Variants in SPIRE1 observed in about 807,000 individuals in gnomAD.
The protein encoded by SPIRE1 is spire type actin nucleation factor 1.
SPIRE1 carries 40 observed loss-of-function variants against 94.1 expected under a neutral mutation model. That is an observed-to-expected ratio of 0.43 (90% confidence interval 0.33 to 0.55). The LOEUF is 0.55. Ranked by LOEUF, SPIRE1 falls within the 20% of genes least tolerant of loss-of-function variation. The probability of loss-of-function intolerance (pLI) is 0.06; values close to 1 mark genes in which losing one functional copy is unlikely to be tolerated. For missense variants in SPIRE1, 838 were observed against 975.2 expected (o/e 0.86, Z 1.87); for synonymous variants, 376 against 371.7 (o/e 1.01, Z -0.13).
At chr18:12,468,187 G>A (rs144177362) in intron 10 of SPIRE1, among the ~76,000 whole-genome samples, 4 of 152,122 alleles carry the variant, frequency 2.6e-5, no homozygotes, top group Non-Finnish European at 4.4e-5. Flanking sequence ...AAATTAAAAA[G>A]ATCAATGATT....
At chr18:12,572,804 A>G (rs902263838) in intron 2 of SPIRE1, among the ~76,000 whole-genome samples, 24 of 152,236 alleles carry the variant, frequency 1.6e-4, no homozygotes, top group African/African-American at 5.8e-4. Context: ...CTTTTCATCA[A>G]ATGGTTCTGG....
chr18:12,481,512 CA>C (rs2032842036), intron 9 of SPIRE1, among the ~76,000 whole-genome samples: 1 of 150,102 alleles, frequency 6.7e-6, no homozygotes, highest in Non-Finnish European at 1.5e-5. Flanking sequence ...AGGGTTTGAA[CA>C]AGCTAGAAAT....
chr18:12,477,853 A>T (rs1014660152), intron 10 of SPIRE1, among the ~76,000 whole-genome samples: 2 of 152,084 alleles, frequency 1.3e-5, no homozygotes, highest in South Asian at 4.1e-4. Flanking sequence ...TAAACCAGAG[A>T]CAGGGAAGGT....
At chr18:12,632,137 G>A (rs2037799164) in intron 2 of SPIRE1, among the ~76,000 whole-genome samples, 1 of 152,050 alleles carries the variant, frequency 6.6e-6, no homozygotes, top group Non-Finnish European at 1.5e-5. Context: ...GCTCTTAAGA[G>A]AATGAAAGTA....
At position 12,581,666 on chromosome 18, in the gene SPIRE1, C is replaced by G. The variant is rs552828083; in HGVS notation, c.373-34762G>C. On this transcript the variant is annotated intron_variant, in intron 2 of 16. Coordinates refer to ENST00000409402, the MANE Select transcript of SPIRE1 (RefSeq NM_001128626.2). ...ATGACCTGAGGTCAGGAATTTGAGA[C>G]CAGCCTGGCCAATGTGGCAAAACCC... 2.6e-5 allele frequency among the ~76,000 whole-genome samples: 4 copies of G among 152,244 alleles called. No homozygotes were observed. The East Asian group carries it at 7.7e-4, about 29-fold the overall frequency.
intron 1 of SPIRE1, among the ~76,000 whole-genome samples, chr18:12,649,575 C>A (rs1567991675): frequency 6.6e-6 from 1 of 152,128 alleles, no homozygotes; most frequent in Non-Finnish European, 1.5e-5. Flanking sequence ...GTTATGAAAG[C>A]AGGATGAGAA....
chr18:12,528,944 A>G (rs1456418560), intron 4 of SPIRE1, among the ~76,000 whole-genome samples: 1 of 152,222 alleles, frequency 6.6e-6, no homozygotes, highest in Non-Finnish European at 1.5e-5. Context: ...AGTGAATTAG[A>G]GAGAAAAGGT....
chr18:12,611,006 A>G (rs2037125598), intron 2 of SPIRE1, among the ~76,000 whole-genome samples: 1 of 152,106 alleles, frequency 6.6e-6, no homozygotes, highest in Non-Finnish European at 1.5e-5. Context: ...TCCACATCAT[A>G]TCCCCTCTCG....
intron 1 of SPIRE1, among the ~76,000 whole-genome samples, chr18:12,652,052 G>C (rs2038393666): frequency 6.6e-6 from 1 of 152,182 alleles, no homozygotes; most frequent in South Asian, 2.1e-4. Flanking sequence ...TAAAATAAAT[G>C]ATTGTTGTCA....
At chr18:12,576,581 CAAAAAAAAAAAAA>C (rs762895518) in intron 2 of SPIRE1, among the ~76,000 whole-genome samples, 1 of 31,030 alleles carries the variant, frequency 3.2e-5, no homozygotes, top group Non-Finnish European at 5.8e-5. Flanking sequence ...GACTCCATCT[CAAAAAAAAAAAAA>C]AAAAAAAAAA....
At chr18:12,643,774 T>C (rs902684564) in intron 1 of SPIRE1, among the ~76,000 whole-genome samples, 30 of 152,214 alleles carry the variant, frequency 2.0e-4, no homozygotes, top group Admixed American at 1.1e-3. Flanking sequence ...CTTTACTACA[T>C]ATACTATATA....
chr18:12,528,215 G>A (rs1039400941), intron 4 of SPIRE1, among the ~76,000 whole-genome samples: 3 of 152,076 alleles, frequency 2.0e-5, no homozygotes, highest in African/African-American at 4.8e-5. Context: ...TACTGTCTTG[G>A]GTCCCTAAAT....
intron 13 of SPIRE1, among the ~76,000 whole-genome samples, chr18:12,453,931 C>T (rs898823713): frequency 2.0e-5 from 3 of 151,898 alleles, no homozygotes; most frequent in Admixed American, 6.6e-5. Flanking sequence ...ATTACAGGCA[C>T]GCACCACCAT....
At position 12,503,423 on chromosome 18, in the gene SPIRE1, T is replaced by C. The variant is rs529436707; in HGVS notation, c.972+3054A>G. 7.9e-5 allele frequency among the ~76,000 whole-genome samples: 12 copies of C among 152,352 alleles called. No homozygotes were observed. In the South Asian group the frequency reaches 2.3e-3, roughly 29 times the overall value. ...TCTCTCTGGCTATGCCTTGTCCGTC[T>C]TTATTTTGCCAGATTCCTCTACTCA... On this transcript the variant is annotated intron_variant, in intron 6 of 16. Coordinates refer to ENST00000409402, the MANE Select transcript of SPIRE1 (RefSeq NM_001128626.2).
At chr18:12,572,897 T>C (rs142837615) in intron 2 of SPIRE1, among the ~76,000 whole-genome samples, 154 of 152,274 alleles carry the variant, frequency 1.0e-3, no homozygotes, top group East Asian at 2.9e-3. Context: ...AAAGGGATGA[T>C]AGACCTAAAT....
intron 8 of SPIRE1, 87 bp downstream of exon 8, chr18:12,492,985 A>AT: frequency 7.0e-7 from 1 of 1,426,182 alleles, no homozygotes; most frequent in Non-Finnish European, 9.4e-7. Context: ...AAGGAATGAG[A>AT]ACTCTTTACT....
In SPIRE1 at chr18:12,493,199, G is replaced by T. The variant is rs75870026; in HGVS notation, c.1062C>A (p.Val354=). The change falls in exon 8 of 17, where the codon GTC becomes GTA. Residue 354 remains valine, a splice_region_variant and synonymous_variant. Transcript: ENST00000409402. ...GAGTTGGTTTCAGTTTTCTGGCTGA[G>T]ACCTTGAAAGTAAGAAAAATGGCTA... ...FIRSRPPLNP[V]SARKLKPTPP... 1 of 1,607,470 alleles carries T rather than the reference G, an allele frequency of 6.2e-7. No individual in the cohort carries two copies. Among genetic ancestry groups the T allele is most frequent in the East Asian group, 2.2e-5 (1 of 44,858 alleles).
intron 1 of SPIRE1, among the ~76,000 whole-genome samples, chr18:12,640,829 T>TGTAA (rs1319329983): frequency 2.0e-5 from 3 of 151,996 alleles, no homozygotes; most frequent in African/African-American, 7.3e-5. Flanking sequence ...CACACAGGCT[T>TGTAA]GTAAGGATAG....
At chr18:12,538,862 A>G (rs980730099) in intron 3 of SPIRE1, among the ~76,000 whole-genome samples, 2 of 152,062 alleles carry the variant, frequency 1.3e-5, no homozygotes, top group African/African-American at 4.8e-5. Flanking sequence ...TATCCAATCC[A>G]TCAGTAAGTC....
Sources: gnomAD v4.1 joint callset for allele counts (sites outside exome capture counted in the v4.1 genomes callset) on GRCh38, gnomAD v4.1.1 for gene constraint, MANE v1.5 for transcripts, NCBI Gene and HGNC (gene_info 2026-07-23, HGNC 2026-07-21) for gene names.